CTNNA3: variants seen among roughly 807,000 people sequenced by gnomAD.
CTNNA3 encodes the protein catenin alpha 3, also known as catenin alpha-3.
Under a neutral mutation model 95.7 loss-of-function variants are expected in CTNNA3, and 76 were observed. The ratio of observed to expected loss-of-function variants is 0.79; its 90% CI spans 0.66 to 0.96. CTNNA3 has a LOEUF of 0.96. Among genes scored for constraint, CTNNA3 ranks in the 40% least tolerant of loss-of-function variants. CTNNA3 has a pLI of 0.00. For missense variants in CTNNA3, 1,191 were observed against 1,089.8 expected (o/e 1.09, Z -1.31); for synonymous variants, 431 against 374.4 (o/e 1.15, Z -1.74).
intron 5 of CTNNA3, among the ~76,000 whole-genome samples, chr10:67,381,914 T>C (rs1223448231): frequency 6.6e-6 from 1 of 152,198 alleles, no homozygotes; most frequent in African/African-American, 2.4e-5. Flanking sequence ...ACAATATCAC[T>C]ATCCAGCTCT....
Position 66,002,669 on chromosome 10 carries a change from C to A in CTNNA3, c.2160-13872G>T, listed in dbSNP as rs2078793791. Among the ~76,000 whole-genome samples the A allele has an allele frequency of 5.3e-5, 8 of 152,236 alleles. No homozygotes were observed. The South Asian group carries it at 1.7e-3, about 32-fold the overall frequency. On this transcript the variant is annotated intron_variant, in intron 15 of 17. Transcript: ENST00000433211. ...CTCGATCTACAAGATATCCTGTCCC[C>A]TAAGGCTCCAGAACCCTCTGCACAA...
chr10:66,583,980 G>T (rs1843279228), intron 10 of CTNNA3, among the ~76,000 whole-genome samples: 1 of 151,692 alleles, frequency 6.6e-6, no homozygotes, highest in Admixed American at 6.6e-5. Context: ...CTATGTATTT[G>T]CATAGTTTTG....
intron 15 of CTNNA3, among the ~76,000 whole-genome samples, chr10:66,050,657 A>G (rs2079932690): frequency 6.6e-6 from 1 of 152,068 alleles, no homozygotes; most frequent in Non-Finnish European, 1.5e-5. Flanking sequence ...TTCCCAATTC[A>G]CACCATGTTA....
chr10:66,012,215 T>A (rs1421359755), intron 15 of CTNNA3, among the ~76,000 whole-genome samples: 1 of 152,170 alleles, frequency 6.6e-6, no homozygotes, highest in Non-Finnish European at 1.5e-5. Flanking sequence ...AATGAACATG[T>A]AAACAAATAA....
intron 5 of CTNNA3, among the ~76,000 whole-genome samples, chr10:67,499,829 T>C (rs1839170982): frequency 1.3e-5 from 2 of 152,182 alleles, no homozygotes. Context: ...TCTTTTCTTC[T>C]TTATTAGTCT....
At chr10:66,169,867 T>C (rs1475242496) in intron 13 of CTNNA3, among the ~76,000 whole-genome samples, 1 of 152,122 alleles carries the variant, frequency 6.6e-6, no homozygotes, top group East Asian at 1.9e-4. Flanking sequence ...TTTGATGGGA[T>C]TGTTTGGTTT....
intron 10 of CTNNA3, among the ~76,000 whole-genome samples, chr10:66,593,196 C>A (rs1413094538): frequency 6.6e-6 from 1 of 152,112 alleles, no homozygotes; most frequent in African/African-American, 2.4e-5. Flanking sequence ...ATACTGAATT[C>A]ACCAATACTG....
intron 7 of CTNNA3, among the ~76,000 whole-genome samples, chr10:66,873,312 G>A (rs1430459688): frequency 6.6e-6 from 1 of 151,968 alleles, no homozygotes; most frequent in African/African-American, 2.4e-5. Context: ...GCCACCAACA[G>A]TGTATAAGCA....
intron 15 of CTNNA3, among the ~76,000 whole-genome samples, chr10:66,018,276 A>G (rs1232886755): frequency 6.6e-6 from 1 of 151,830 alleles, no homozygotes; most frequent in African/African-American, 2.4e-5. Context: ...AAAATCACTA[A>G]TTATGAATCA....
chr10:66,477,919 G>A (rs749955406), intron 11 of CTNNA3, among the ~76,000 whole-genome samples: 5 of 152,006 alleles, frequency 3.3e-5, no homozygotes, highest in African/African-American at 4.8e-5. Context: ...TTAACTTCTC[G>A]AAACAAAAGG....
chr10:67,363,685 AC>A (rs1387798002), intron 5 of CTNNA3, among the ~76,000 whole-genome samples: 1 of 152,218 alleles, frequency 6.6e-6, no homozygotes, highest in African/African-American at 2.4e-5. Flanking sequence ...ATCAGAGAAT[AC>A]CATAAACACT....
intron 13 of CTNNA3, among the ~76,000 whole-genome samples, chr10:66,244,106 C>G (rs1202992636): frequency 1.3e-5 from 2 of 152,124 alleles, no homozygotes; most frequent in Admixed American, 1.3e-4. Flanking sequence ...TTGGCAGTGG[C>G]CTGGCAGAAC....
intron 7 of CTNNA3, among the ~76,000 whole-genome samples, chr10:67,132,113 T>C (rs1564912472): frequency 6.6e-6 from 1 of 152,074 alleles, no homozygotes; most frequent in Non-Finnish European, 1.5e-5. Context: ...AGAGCAAAAT[T>C]AAGACAATAG....
chr10:67,650,457 T>A (rs903916054), intron 1 of CTNNA3, among the ~76,000 whole-genome samples: 1 of 152,160 alleles, frequency 6.6e-6, no homozygotes, highest in Non-Finnish European at 1.5e-5. Context: ...CTCTTGACAG[T>A]GGTGATAGAT....
At chr10:66,274,347 A>G (rs74144027) in intron 13 of CTNNA3, among the ~76,000 whole-genome samples, 364 of 152,308 alleles carry the variant, frequency 2.4e-3, no homozygotes, top group African/African-American at 8.2e-3. Flanking sequence ...CTTAGGCCAC[A>G]GGCCATACAA....
Position 67,389,275 on chromosome 10 carries a change from A to G in CTNNA3, c.579+132567T>C, listed in dbSNP as rs1200751598. ...GGGTTGCAATCCTAGTCTCTGATAAAACAGACTTTAAACCAACAAAGATCA... is the reference window on the plus strand; with the variant it reads ...GGGTTGCAATCCTAGTCTCTGATAAGACAGACTTTAAACCAACAAAGATCA... On this transcript the variant is annotated intron_variant, in intron 5 of 17. Transcript: ENST00000433211. Among the ~76,000 whole-genome samples, 9 of 151,638 alleles carry G rather than the reference A, an allele frequency of 5.9e-5. No homozygotes were observed. In the South Asian group the frequency reaches 1.3e-3, roughly 21 times the overall value.
At chr10:67,572,918 T>C (rs180737042) in intron 3 of CTNNA3, among the ~76,000 whole-genome samples, 69 of 152,124 alleles carry the variant, frequency 4.5e-4, no homozygotes, top group African/African-American at 1.5e-3. Context: ...CAAAACCTTG[T>C]TTCTACAAAA....
chr10:66,980,346 A>G (rs1167726834), intron 7 of CTNNA3, among the ~76,000 whole-genome samples: 1 of 152,194 alleles, frequency 6.6e-6, no homozygotes, highest in Non-Finnish European at 1.5e-5. Flanking sequence ...GGAAATGCTT[A>G]CTGTCTGCTT....
intron 5 of CTNNA3, among the ~76,000 whole-genome samples, chr10:67,518,591 CAA>C: frequency 6.6e-6 from 1 of 152,020 alleles, no homozygotes; most frequent in East Asian, 1.9e-4. Context: ...TAATTTATAT[CAA>C]AAGACTTCAG....
Sources: allele counts gnomAD v4.1 joint callset (sites outside exome capture counted in the v4.1 genomes callset), GRCh38; gene constraint gnomAD v4.1.1; transcripts MANE v1.5; gene names NCBI Gene and HGNC (gene_info 2026-07-23, HGNC 2026-07-21).